Variants in ABLIM3 observed in about 807,000 individuals in gnomAD.
ABLIM3 encodes actin-binding LIM protein 3.
A neutral mutation model predicts 109.5 loss-of-function variants in ABLIM3; 61 were observed. The observed-to-expected ratio is 0.56, with a 90% CI of 0.45 to 0.69. ABLIM3 has a LOEUF of 0.69. Ranked by LOEUF, ABLIM3 falls within the 30% of genes least tolerant of loss-of-function variation. The pLI is 0.00. For missense variants in ABLIM3, 796 were observed against 889.5 expected (o/e 0.89, Z 1.34); for synonymous variants, 300 against 324.8 (o/e 0.92, Z 0.82).
chr5:149,155,093 C>A (rs564001450), intron 2 of ABLIM3, among the ~76,000 whole-genome samples: 105 of 152,234 alleles, frequency 6.9e-4, no homozygotes, highest in Non-Finnish European at 1.4e-3. Flanking sequence ...AGGTAAATTG[C>A]CTGGATAAAG....
At position 149,151,416 on chromosome 5, in the gene ABLIM3, A is replaced by G. The variant is rs1277622271; in HGVS notation, c.13+9308A>G. Reference sequence around the variant, plus strand: ...TATGAGTTTGTGGGGACACAATTCAATCCATAATAGAGTGTTTGTTAAGGA... The same window carrying G: ...TATGAGTTTGTGGGGACACAATTCAGTCCATAATAGAGTGTTTGTTAAGGA... On this transcript the variant is annotated intron_variant, in intron 2 of 23. Transcript: ENST00000309868. Among the ~76,000 whole-genome samples, 5 of 152,206 alleles carry G rather than the reference A, an allele frequency of 3.3e-5. No homozygotes were observed. In the East Asian group the frequency reaches 9.6e-4, roughly 29 times the overall value.
At chr5:149,166,314 A>C (rs927527527) in intron 2 of ABLIM3, among the ~76,000 whole-genome samples, 10 of 152,204 alleles carry the variant, frequency 6.6e-5, no homozygotes, top group Non-Finnish European at 1.0e-4. Context: ...ACAGTCATGC[A>C]TCTGACTCTC....
At chr5:149,175,172 ATAC>A (rs1449203121) in intron 2 of ABLIM3, among the ~76,000 whole-genome samples, 1 of 152,182 alleles carries the variant, frequency 6.6e-6, no homozygotes, top group African/African-American at 2.4e-5. Context: ...TATTCCTCAG[ATAC>A]TTTTTATACC....
At chr5:149,239,225 C>T in intron 11 of ABLIM3, 23 bp from the exon 12 acceptor site, 1 of 1,613,720 alleles carries the variant, frequency 6.2e-7, no homozygotes, top group South Asian at 1.1e-5. Context: ...TCCACAACTG[C>T]CTTCAAACTC....
At chr5:149,178,261 T>C (rs2127469558) in intron 2 of ABLIM3, among the ~76,000 whole-genome samples, 1 of 152,302 alleles carries the variant, frequency 6.6e-6, no homozygotes, top group South Asian at 2.1e-4. Flanking sequence ...TCTTTGGTAT[T>C]TAGCAGATGC....
In ABLIM3 at chr5:149,252,851, A is replaced by G. The variant is rs1165896380; in HGVS notation, c.1938+14A>G. The G allele has an allele frequency of 1.2e-6, 2 of 1,606,450 alleles. No individual in the cohort carries two copies. The highest frequency in any genetic ancestry group is 1.7e-5 in the Admixed American group (1 of 59,930). On this transcript the variant is annotated intron_variant, in intron 23 of 23. Coordinates refer to ENST00000309868, the MANE Select transcript of ABLIM3 (RefSeq NM_014945.5). ...ACCCGTTTAGAGGTAAGTCTAAAAA[A>G]CTGAGCAGGAGCTCTTGGGTTGGAA...
intron 23 of ABLIM3, among the ~76,000 whole-genome samples, chr5:149,257,622 C>T (rs1357274944): frequency 6.6e-6 from 1 of 152,126 alleles, no homozygotes; most frequent in Admixed American, 6.5e-5. Context: ...ATATTTCTAA[C>T]TCTAAAAGCT....
intron 8 of ABLIM3, 76 bp from the exon 9 acceptor site, chr5:149,230,573 G>A (rs1298659961): frequency 6.7e-7 from 1 of 1,501,852 alleles, no homozygotes; most frequent in Non-Finnish European, 9.3e-7. Context: ...ACCACGGAGT[G>A]AATCAAGGTG....
At chr5:149,212,628 C>A (rs1020302282) in intron 7 of ABLIM3, among the ~76,000 whole-genome samples, 17 of 152,150 alleles carry the variant, frequency 1.1e-4, no homozygotes, top group African/African-American at 3.9e-4. Context: ...AACTGAGGGG[C>A]AGCTTGTGGA....
At position 149,198,211 on chromosome 5, in the gene ABLIM3, T is replaced by A; in HGVS notation, c.152-8T>A. 1 of 1,606,746 alleles carries A rather than the reference T, an allele frequency of 6.2e-7. No homozygotes were observed. Among genetic ancestry groups the A allele is most frequent in the Non-Finnish European group, 8.5e-7 (1 of 1,176,484 alleles). On this transcript the variant is annotated splice_polypyrimidine_tract_variant and splice_region_variant and intron_variant, in intron 3 of 23. Transcript: ENST00000309868. The surrounding 1 kb of genome is among the most constrained non-coding windows in gnomAD (Gnocchi z 4.2). Reference sequence around the variant, plus strand: ...AACCTGCCCTTGTTTTCCTCCTTGTTCCCCAAGTATGTGGCTGTGGCCTGG... The same window carrying A: ...AACCTGCCCTTGTTTTCCTCCTTGTACCCCAAGTATGTGGCTGTGGCCTGG...
chr5:149,230,794 C>A, intron 9 of ABLIM3, 87 bp downstream of exon 9: 1 of 1,479,502 alleles, frequency 6.8e-7, no homozygotes, highest in South Asian at 1.1e-5. Flanking sequence ...GGGACAGGGT[C>A]AGCATTCCTT....
chr5:149,167,193 T>C (rs1425074228), intron 2 of ABLIM3, among the ~76,000 whole-genome samples: 1 of 152,216 alleles, frequency 6.6e-6, no homozygotes, highest in African/African-American at 2.4e-5. Context: ...ATTTGCATAA[T>C]AATTCTAAGA....
intron 9 of ABLIM3, among the ~76,000 whole-genome samples, chr5:149,232,992 C>T: frequency 6.6e-6 from 1 of 152,140 alleles, no homozygotes; most frequent in Non-Finnish European, 1.5e-5. Context: ...CTGCTAGCTG[C>T]AAATACGTAG....
intron 6 of ABLIM3, among the ~76,000 whole-genome samples, chr5:149,207,722 C>G (rs914801115): frequency 6.6e-6 from 1 of 152,138 alleles, no homozygotes; most frequent in African/African-American, 2.4e-5. Flanking sequence ...TTGTTTTAAT[C>G]ACTGCTATAT....
At chr5:149,179,097 G>A (rs1211297628) in intron 2 of ABLIM3, among the ~76,000 whole-genome samples, 1 of 152,044 alleles carries the variant, frequency 6.6e-6, no homozygotes, top group East Asian at 1.9e-4. Context: ...CCCGGAGGTC[G>A]GTCACACCTC....
intron 9 of ABLIM3, among the ~76,000 whole-genome samples, chr5:149,231,203 T>C (rs900706041): frequency 6.6e-6 from 1 of 152,228 alleles, no homozygotes; most frequent in Non-Finnish European, 1.5e-5. Flanking sequence ...GAGGTGATGA[T>C]GTGCCTGCAG....
intron 8 of ABLIM3, among the ~76,000 whole-genome samples, chr5:149,228,275 AT>A (rs1761517022): frequency 6.6e-6 from 1 of 152,218 alleles, no homozygotes; most frequent in Admixed American, 6.5e-5. Context: ...AGTCATTAAA[AT>A]CTGTAAAATC....
chr5:149,235,928 A>G (rs2127553141), intron 10 of ABLIM3, among the ~76,000 whole-genome samples: 1 of 152,342 alleles, frequency 6.6e-6, no homozygotes, highest in East Asian at 1.9e-4. Context: ...TGGACCTAAA[A>G]AGATGAGGGA....
Position 149,142,103 on chromosome 5 carries a change from C to T in ABLIM3, c.8C>T (p.Thr3Ile). Residue 3 changes from threonine to isoleucine, a missense_variant, in exon 2 of 24, where the codon ACT becomes ATT. Physicochemically the swap from Thr to Ile is moderately conservative, Grantham distance 89 (BLOSUM62 -1). Transcript: ENST00000309868. MN[T>I]SIPYQQNPYN... ...CAGTGCAAAGACATCACCATGAACA[C>T]TAGCAGTAAGTGGATCCTCCTCTCC... 6.2e-7 allele frequency: 1 copy of T among 1,612,928 alleles called. No homozygotes were observed. The highest frequency in any genetic ancestry group is 8.5e-7 in the Non-Finnish European group (1 of 1,179,502).
Sources: gnomAD v4.1 joint callset for allele counts (sites outside exome capture counted in the v4.1 genomes callset) on GRCh38, gnomAD v4.1.1 for gene constraint, Gnocchi (gnomAD v3.1) non-coding constraint, MANE v1.5 for transcripts, NCBI Gene and HGNC (gene_info 2026-07-23, HGNC 2026-07-21) for gene names.